The following SHISA6 variants were observed in gnomAD, a reference collection of about 807,000 sequenced individuals.
SHISA6 encodes the protein shisa family member 6.
SHISA6 carries 22 observed loss-of-function variants against 47.9 expected under a neutral mutation model. That is an observed-to-expected ratio of 0.46 (90% CI 0.33 to 0.66). The LOEUF (loss-of-function observed/expected upper bound fraction) is 0.66, where lower values mean the gene tolerates loss of function less well. SHISA6 is among the 30% of genes least tolerant of loss of function. The probability of loss-of-function intolerance (pLI) is 0.02; values close to 1 mark genes in which losing one functional copy is unlikely to be tolerated. For missense variants in SHISA6, 680 were observed against 764.6 expected (o/e 0.89, Z 1.30); for synonymous variants, 388 against 337.8 (o/e 1.15, Z -1.63).
chr17:11,458,969 G>A (rs1915624166), intron 3 of SHISA6, among the ~76,000 whole-genome samples: 1 of 152,064 alleles, frequency 6.6e-6, no homozygotes, highest in South Asian at 2.1e-4. Context: ...ACTTTGGGAG[G>A]CCGAGGCAGG....
chr17:11,529,381 G>A (rs1232109848), intron 3 of SHISA6, among the ~76,000 whole-genome samples: 1 of 152,042 alleles, frequency 6.6e-6, no homozygotes, highest in Non-Finnish European at 1.5e-5. Context: ...TCAATATTTG[G>A]TATAGGATTA....
chr17:11,267,105 C>G (rs549247850), intron 2 of SHISA6, among the ~76,000 whole-genome samples: 45 of 152,198 alleles, frequency 3.0e-4, no homozygotes, highest in Non-Finnish European at 6.0e-4. Context: ...AAATCCTGTC[C>G]CCTTCTATAA....
chr17:11,288,979 G>C (rs575123057), intron 2 of SHISA6: 2 of 152,246 alleles, frequency 1.3e-5, no homozygotes, highest in South Asian at 2.1e-4. Context: ...GTTTGTAATT[G>C]ATCTTAACTG....
chr17:11,297,759 A>G (rs1466233761), intron 2 of SHISA6, among the ~76,000 whole-genome samples: 1 of 152,224 alleles, frequency 6.6e-6, no homozygotes, highest in Non-Finnish European at 1.5e-5. Flanking sequence ...CAAGTGTAGC[A>G]GTATCTTGTG....
At chr17:11,382,416 C>T (rs1171286582) in intron 3 of SHISA6, among the ~76,000 whole-genome samples, 1 of 152,072 alleles carries the variant, frequency 6.6e-6, no homozygotes, top group East Asian at 1.9e-4. Flanking sequence ...CTTTAGTCCT[C>T]TGGACAGCTG....
chr17:11,394,826 T>C (rs1913510141), intron 3 of SHISA6, among the ~76,000 whole-genome samples: 1 of 152,082 alleles, frequency 6.6e-6, no homozygotes, highest in African/African-American at 2.4e-5. Flanking sequence ...TTGCTTCTTT[T>C]AGTCTCTGTC....
chr17:11,482,969 A>T (rs1916256750), intron 3 of SHISA6, among the ~76,000 whole-genome samples: 1 of 152,314 alleles, frequency 6.6e-6, no homozygotes, highest in East Asian at 1.9e-4. Context: ...TCATACAACT[A>T]ATGGTATGAA....
intron 3 of SHISA6, among the ~76,000 whole-genome samples, chr17:11,493,060 C>T (rs2908977): frequency 0.5 from 76,617 of 151,900 alleles, 19,657 homozygotes; most frequent in East Asian, 0.55. Flanking sequence ...TAACATTTAT[C>T]CAACTTTTCC....
At chr17:11,433,582 T>A in intron 3 of SHISA6, among the ~76,000 whole-genome samples, 1 of 152,138 alleles carries the variant, frequency 6.6e-6, no homozygotes. Flanking sequence ...CAGCATGGCG[T>A]TTCCTCAAGG....
intron 3 of SHISA6, among the ~76,000 whole-genome samples, chr17:11,389,433 C>T (rs1913314229): frequency 6.6e-6 from 1 of 152,178 alleles, no homozygotes; most frequent in African/African-American, 2.4e-5. Context: ...CCCATGGCCC[C>T]CGGTAGGGAG....
chr17:11,453,509 G>A (rs759153173), intron 3 of SHISA6, among the ~76,000 whole-genome samples: 6 of 152,098 alleles, frequency 3.9e-5, no homozygotes, highest in Non-Finnish European at 7.4e-5. Flanking sequence ...TTTAAATATA[G>A]CTTCTTCATT....
intron 2 of SHISA6, among the ~76,000 whole-genome samples, chr17:11,285,735 A>G (rs934468202): frequency 2.0e-5 from 3 of 152,134 alleles, no homozygotes; most frequent in Non-Finnish European, 2.9e-5. Flanking sequence ...TAGCTGGGAA[A>G]GGGCTCTTGT....
chr17:11,346,902 C>A (rs8076431), intron 2 of SHISA6, among the ~76,000 whole-genome samples: 29,061 of 152,074 alleles, frequency 0.19, 3,018 homozygotes, highest in African/African-American at 0.25. Flanking sequence ...TGATATTCTC[C>A]TGAATACTTA....
chr17:11,516,210 G>C (rs1555541570), intron 3 of SHISA6, among the ~76,000 whole-genome samples: 1 of 152,148 alleles, frequency 6.6e-6, no homozygotes, highest in Non-Finnish European at 1.5e-5. Context: ...GAAACATCTA[G>C]TGCTACATAA....
At chr17:11,330,194 G>A (rs912960443) in intron 2 of SHISA6, among the ~76,000 whole-genome samples, 2 of 152,122 alleles carry the variant, frequency 1.3e-5, no homozygotes, top group African/African-American at 4.8e-5. Flanking sequence ...ACCGGTTTCA[G>A]TGGGATGGAG....
At chr17:11,399,608 G>C (rs560113849) in intron 3 of SHISA6, among the ~76,000 whole-genome samples, 3 of 152,230 alleles carry the variant, frequency 2.0e-5, no homozygotes, top group Admixed American at 1.3e-4. Context: ...TTTTAGTAGA[G>C]ACAGGGTTTC....
intron 3 of SHISA6, among the ~76,000 whole-genome samples, chr17:11,551,214 G>A (rs551493489): frequency 3.3e-5 from 5 of 152,308 alleles, no homozygotes; most frequent in South Asian, 4.1e-4. Context: ...CTTTTGGAAC[G>A]CCTTGAACTT....
intron 3 of SHISA6, among the ~76,000 whole-genome samples, chr17:11,535,475 C>T (rs1038601780): frequency 1.3e-5 from 2 of 152,168 alleles, no homozygotes; most frequent in African/African-American, 4.8e-5. Context: ...TACATTGCTC[C>T]GGGCTGAGTC....
chr17:11,307,219 C>T (rs528823685), intron 2 of SHISA6, among the ~76,000 whole-genome samples: 1 of 149,308 alleles, frequency 6.7e-6, no homozygotes, highest in Admixed American at 6.7e-5. Flanking sequence ...GTTGTCTGTA[C>T]CAGTTAGAGT....
Sources: gnomAD v4.1 joint callset for allele counts (sites outside exome capture counted in the v4.1 genomes callset) on GRCh38, gnomAD v4.1.1 for gene constraint, MANE v1.5 for transcripts, NCBI Gene and HGNC (gene_info 2026-07-23, HGNC 2026-07-21) for gene names.